The following H2BC18 variants were observed in gnomAD, a reference collection of about 807,000 sequenced individuals.
The protein encoded by H2BC18 is H2B clustered histone 18.
In H2BC18, 8 loss-of-function variants were observed where a neutral mutation model predicts 6.3. The ratio of observed to expected loss-of-function variants is 1.28; its 90% CI spans 0.75 to 2.31. H2BC18 has a LOEUF of 2.31. Among genes scored for constraint, H2BC18 ranks in the 30% most tolerant of loss-of-function variants. The probability of loss-of-function intolerance (pLI) is 0.00; values close to 1 mark genes in which losing one functional copy is unlikely to be tolerated. For synonymous variants in H2BC18, 104 were observed against 78.1 expected, an observed-to-expected ratio of 1.33 and a Z score of -1.75; for missense variants, 106 against 174.5, an observed-to-expected ratio of 0.61 and a Z score of 2.21.
rs2091985837 is a variant in H2BC18 at position 149,812,213 on chromosome 1, G to A, written c.111C>T (p.Ser37=). 13 of 1,614,164 alleles carry A rather than the reference G, an allele frequency of 8.1e-6. No homozygotes were observed. The highest frequency in any genetic ancestry group is 1.3e-5 in the African/African-American group (1 of 74,962). ...GCACCTTGTACACGTAAACGGAGTA[G>A]CTCTCCTTGCGGCTGCGCTTGCGCT... ...GKKRKRSRKE[S]YSVYVYKVLK... is the part of the protein sequence containing the mutation. Residue 37 remains serine, a synonymous_variant, in exon 1 of 1, where the codon AGC becomes AGT. Coordinates refer to ENST00000369167, the MANE Select transcript of H2BC18 (RefSeq NM_001024599.5).
In H2BC18 at chr1:149,793,247, G is replaced by A. The variant is rs587759799; in HGVS notation, c.378-9987C>T. ...CGCAAGAGCAGCCGGAGGCGGCGGC[G>A]GCAGGGAGGGAGCGGGTGGGGAGTG... is the stretch of plus-strand genomic sequence containing the variant. On this transcript the variant is annotated intron_variant, in intron 1 of 1. Transcript: ENST00000545683. 1.0e-4 allele frequency: 127 copies of A among 1,254,646 alleles called. No individual in the cohort carries two copies. The African/African-American group carries it at 1.8e-3, about 18-fold the overall frequency. The allele number at this position is 1,254,646 out of a possible 1,614,324, so 77.7% of individuals were successfully genotyped here.
At position 149,812,256 on chromosome 1, in the gene H2BC18, T is replaced by C; in HGVS notation, c.68A>G (p.Gln23Arg). Residue 23 changes from glutamine (Q) to arginine (R), a missense_variant, in exon 1 of 1, where the codon CAG (glutamine) becomes CGG (arginine). Physicochemically the swap from Gln to Arg is conservative, Grantham distance 43. This residue lies in a region of H2BC18 where 70 missense variants were observed against 64.6 expected (regional missense o/e 1.08). Coordinates refer to ENST00000369167, the MANE Select transcript of H2BC18 (RefSeq NM_001024599.5). ...CTTGCGCTTCTTGCCGTCCTTCTTC[T>C]GCACTTTCGTAACAGCCTTTTTGGA... ...KGSKKAVTKV[Q>R]KKDGKKRKRS... 1.9e-6 allele frequency: 3 copies of C among 1,614,266 alleles called. No homozygotes were observed. Among genetic ancestry groups the C allele is most frequent in the Non-Finnish European group, 1.7e-6 (2 of 1,180,040 alleles).
chr1:149,799,268 T>C (rs2091834451), intron 1 of H2BC18, among the ~76,000 whole-genome samples: 1 of 151,154 alleles, frequency 6.6e-6, no homozygotes, highest in Non-Finnish European at 1.5e-5. Flanking sequence ...GCTTCGTGTC[T>C]TCTTATATCC....
intron 1 of H2BC18, chr1:149,803,970 A>G (rs2091895447): frequency 6.7e-6 from 1 of 150,076 alleles, no homozygotes; most frequent in Non-Finnish European, 1.5e-5. Context: ...TGCTGGAAAC[A>G]ATTTAATAAG....
intron 1 of H2BC18, among the ~76,000 whole-genome samples, chr1:149,797,842 G>A (rs1322949610): frequency 2.6e-5 from 4 of 152,102 alleles, no homozygotes; most frequent in Non-Finnish European, 5.9e-5. Context: ...ATAATTGGGA[G>A]GCCAAGGCGA....
chr1:149,793,114 G>T (rs1553752360), intron 1 of H2BC18: 4 of 1,273,766 alleles, frequency 3.1e-6, no homozygotes, highest in Non-Finnish European at 4.1e-6. Flanking sequence ...GATGCTGCCG[G>T]CCTCAGGTGC....
chr1:149,784,700 C>CTA lies in H2BC18; in HGVS notation c.378-1442_378-1441dup, dbSNP rs34346480. Among the ~76,000 whole-genome samples, 163 of 146,146 alleles carry CTA rather than the reference C, an allele frequency of 1.1e-3. 1 individual carries two copies. Among genetic ancestry groups the CTA allele is most frequent in the Middle Eastern group, 3.6e-3 (1 of 278 alleles). On this transcript the variant is annotated intron_variant, in intron 1 of 1. Coordinates refer to the H2BC18 transcript ENST00000545683. ...ATATATTAGCATTATTATATATAAA[C>CTA]TATATATATATATATATATACACAC... is the stretch of plus-strand genomic sequence containing the variant.
rs373215837 is a variant in H2BC18 at position 149,806,095 on chromosome 1, C to T, written c.377+5852G>A. On this transcript the variant is annotated intron_variant, in intron 1 of 1. Transcript: ENST00000545683. ...AACTAGAAATAATACATGCAACTTC[C>T]ATTCACATCTCATTGGCCCCAAACT... is the stretch of plus-strand genomic sequence containing the variant. Among the ~76,000 whole-genome samples, 23 of 151,958 alleles carry T rather than the reference C, an allele frequency of 1.5e-4. No individual in the cohort carries two copies. The East Asian group carries it at 4.3e-3, about 28-fold the overall frequency.
At chr1:149,806,456 C>T (rs587601352) in intron 1 of H2BC18, among the ~76,000 whole-genome samples, 1 of 152,080 alleles carries the variant, frequency 6.6e-6, no homozygotes, top group African/African-American at 2.4e-5. Context: ...GGTATGGTGG[C>T]ACTTGCCTGT....
chr1:149,800,365 G>T, intron 1 of H2BC18, among the ~76,000 whole-genome samples: 1 of 151,658 alleles, frequency 6.6e-6, no homozygotes, highest in Non-Finnish European at 1.5e-5. Context: ...GGCCATTGGT[G>T]ATCGGCTTAA....
At chr1:149,790,032 C>A (rs827372) in intron 1 of H2BC18, 4 of 1,611,704 alleles carry the variant, frequency 2.5e-6, no homozygotes. Flanking sequence ...GCAACCTTGT[C>A]CCCCATCAAC....
downstream of H2BC18, chr1:149,810,452 A>T (rs1234356197): frequency 6.6e-6 from 1 of 152,214 alleles, no homozygotes; most frequent in African/African-American, 2.4e-5. Context: ...GAATTTCAAC[A>T]TCATAAAAAT....
intron 1 of H2BC18, among the ~76,000 whole-genome samples, chr1:149,802,555 A>C (rs2091882449): frequency 1.3e-5 from 2 of 152,330 alleles, no homozygotes; most frequent in South Asian, 4.1e-4. Context: ...ATGATAATAG[A>C]TTAGATACAG....
intron 1 of H2BC18, among the ~76,000 whole-genome samples, chr1:149,802,597 G>C (rs1553753488): frequency 6.6e-6 from 1 of 152,164 alleles, no homozygotes; most frequent in African/African-American, 2.4e-5. Flanking sequence ...AAGGAGAATT[G>C]GCTCACATGA....
chr1:149,783,210 G>C, exon 2 of H2BC18: 1 of 386,048 alleles, frequency 2.6e-6, no homozygotes, highest in African/African-American at 7.2e-5. Flanking sequence ...CTCTAACTCA[G>C]CTTCTCCTTC....
chr1:149,789,418 AATG>A (rs10544446), intron 1 of H2BC18, among the ~76,000 whole-genome samples: 2,733 of 150,046 alleles, frequency 0.018, 104 homozygotes, highest in African/African-American at 0.062. Flanking sequence ...TAATAATAAT[AATG>A]ATGATAATAA....
At chr1:149,788,730 G>A in intron 1 of H2BC18, 1 of 1,310,144 alleles carries the variant, frequency 7.6e-7, no homozygotes, top group Non-Finnish European at 1.1e-6. Context: ...CTCCAGAGAG[G>A]TAAACTGCAT....
At chr1:149,804,398 G>T (rs1228796606) in intron 1 of H2BC18, among the ~76,000 whole-genome samples, 60 of 152,288 alleles carry the variant, frequency 3.9e-4, no homozygotes, top group African/African-American at 6.0e-4. Context: ...GACACTGAAG[G>T]TTCTACATAA....
chr1:149,797,717 C>T (rs2091815718), intron 1 of H2BC18, among the ~76,000 whole-genome samples: 1 of 152,126 alleles, frequency 6.6e-6, no homozygotes, highest in African/African-American at 2.4e-5. Context: ...CCTGCCTCGG[C>T]CTCCCTAGCA....
Sources: gnomAD v4.1 joint callset for allele counts (sites outside exome capture counted in the v4.1 genomes callset) on GRCh38, gnomAD v4.1.1 for gene constraint, gnomAD v4.1.1 regional missense constraint, MANE v1.5 for transcripts, NCBI Gene and HGNC (gene_info 2026-07-23, HGNC 2026-07-21) for gene names.